The following NCOR2 variants were observed in gnomAD, a reference collection of about 807,000 sequenced individuals.
The protein encoded by NCOR2 is nuclear receptor corepressor 2, also known as CTG repeat protein 26.
NCOR2 carries 81 observed loss-of-function variants against 262.9 expected under a neutral mutation model. That is an observed-to-expected ratio of 0.31 (90% CI 0.26 to 0.37). NCOR2 has a LOEUF of 0.37. Among genes scored for constraint, NCOR2 ranks in the 10% least tolerant of loss-of-function variants. The pLI, the probability that NCOR2 is intolerant of heterozygous loss-of-function variation, is 1.00. For missense variants in NCOR2, 3,385 were observed against 3,621.4 expected (o/e 0.93, Z 1.68); for synonymous variants, 1,659 against 1,559.3 (o/e 1.06, Z -1.51).
intron 7 of NCOR2, among the ~76,000 whole-genome samples, chr12:124,449,025 C>T (rs1293614578): frequency 1.3e-5 from 2 of 152,186 alleles, no homozygotes; most frequent in African/African-American, 4.8e-5. Flanking sequence ...AGATCTGCAG[C>T]CCCTTTTACC....
chr12:124,343,224 T>C (rs751048329), exon 33 of NCOR2: 2 of 1,607,988 alleles, frequency 1.2e-6, no homozygotes, highest in Non-Finnish European at 1.7e-6. Context: ...GACGAAAGGC[T>C]GCCTGTGGAC....
chr12:124,331,938 G>C, intron 43 of NCOR2: 1 of 232,158 alleles, frequency 4.3e-6, no homozygotes, highest in Non-Finnish European at 8.7e-6. Flanking sequence ...CTGGGAAGCA[G>C]AGTGGGGCGT....
chr12:124,567,089 C>G (rs1274589443), intron 1 of NCOR2, among the ~76,000 whole-genome samples: 1 of 151,878 alleles, frequency 6.6e-6, no homozygotes, highest in Non-Finnish European at 1.5e-5. Context: ...CGCTAGGGAG[C>G]TGGAGTTCCC....
exon 10 of NCOR2, chr12:124,429,651 C>T (rs1271776617): frequency 1.9e-6 from 3 of 1,609,634 alleles, no homozygotes; most frequent in Non-Finnish European, 2.5e-6. Flanking sequence ...TCTGACACCT[C>T]GTGCTCGCTG....
chr12:124,547,612 A>G (rs1417875623), intron 1 of NCOR2, among the ~76,000 whole-genome samples: 1 of 152,218 alleles, frequency 6.6e-6, no homozygotes, highest in Admixed American at 6.5e-5. Flanking sequence ...TCTAATTCCA[A>G]AACATTTTCA....
chr12:124,426,576 T>G, intron 11 of NCOR2, 46 bp downstream of exon 13: 1 of 1,515,604 alleles, frequency 6.6e-7, no homozygotes, highest in East Asian at 2.4e-5. Flanking sequence ...CTCAACAGGA[T>G]GGGGGTGGGG....
At chr12:124,363,603 T>G in intron 21 of NCOR2, 76 bp downstream of exon 23, 1 of 1,254,420 alleles carries the variant, frequency 8.0e-7, no homozygotes, top group Non-Finnish European at 1.0e-6. Context: ...CTCCCGCCCG[T>G]GGGATTCTCT....
At chr12:124,428,044 A>AGTGTGTGTGTGTGTGTGTGTGTGT (rs55965573) in intron 10 of NCOR2, among the ~76,000 whole-genome samples, 3,824 of 112,340 alleles carry the variant, frequency 0.034, 340 homozygotes, top group Non-Finnish European at 0.047. Context: ...CCATGTGGCC[A>AGTGTGTGTGTGTGTGTGTGTGTGT]GTGTGTGTGT....
Position 124,566,164 on chromosome 12 carries a change from A to C in NCOR2, c.-165+1144T>G, listed in dbSNP as rs1359085457. ...TCACACATCCTTCCTCCAAATCTGCAAAAAGGGAAAAATAATAATAATCAC... is the reference window on the plus strand; with the variant it reads ...TCACACATCCTTCCTCCAAATCTGCCAAAAGGGAAAAATAATAATAATCAC... On this transcript the variant is annotated intron_variant, in intron 1 of 32. Transcript: ENST00000458234. This position sits in a 1 kb window ranked among gnomAD's most constrained non-coding sequence, Gnocchi z 4.3. Among the ~76,000 whole-genome samples the C allele has an allele frequency of 6.6e-6, 1 of 151,684 alleles. No homozygotes were observed. Among genetic ancestry groups the C allele is most frequent in the African/African-American group, 2.4e-5 (1 of 41,302 alleles).
chr12:124,383,782 T>C (rs1184146508), intron 17 of NCOR2, among the ~76,000 whole-genome samples: 1 of 152,264 alleles, frequency 6.6e-6, no homozygotes, highest in Non-Finnish European at 1.5e-5. Flanking sequence ...CTGAATTCAC[T>C]GCCCAAGGTC....
chr12:124,344,413 T>C (rs970011164), intron 32 of NCOR2, among the ~76,000 whole-genome samples, 184 bp downstream of exon 34: 2 of 151,220 alleles, frequency 1.3e-5, no homozygotes, highest in African/African-American at 4.9e-5. Flanking sequence ...GTCTGGGAGG[T>C]GGCAAGGAGT....
At chr12:124,545,699 G>C (rs1004258438) in intron 1 of NCOR2, among the ~76,000 whole-genome samples, 3 of 152,260 alleles carry the variant, frequency 2.0e-5, no homozygotes, top group African/African-American at 7.2e-5. Context: ...AGCAGAAACT[G>C]AAACAGCCCA....
intron 23 of NCOR2, among the ~76,000 whole-genome samples, chr12:124,356,042 G>A (rs1021841949): frequency 2.0e-5 from 3 of 152,236 alleles, no homozygotes; most frequent in African/African-American, 7.2e-5. Context: ...ACTGGGCACC[G>A]AGCTTCGGCA....
intron 6 of NCOR2, among the ~76,000 whole-genome samples, chr12:124,450,246 G>T (rs1409808172): frequency 6.6e-6 from 1 of 152,220 alleles, no homozygotes; most frequent in Non-Finnish European, 1.5e-5. Context: ...GCTCACCATG[G>T]AAACGCGCGT....
At chr12:124,500,620 A>G (rs369229955) in intron 1 of NCOR2, among the ~76,000 whole-genome samples, 2 of 152,078 alleles carry the variant, frequency 1.3e-5, no homozygotes, top group Non-Finnish European at 2.9e-5. Context: ...GATGCCAGAA[A>G]CCACCACACC....
At chr12:124,374,529 G>A (rs2039833477) in intron 18 of NCOR2, 66 bp from the exon 21 acceptor site, 2 of 1,504,124 alleles carry the variant, frequency 1.3e-6, no homozygotes, top group Non-Finnish European at 1.8e-6. Flanking sequence ...GAGGGAGGAG[G>A]CAACGTGGCC....
At chr12:124,450,609 A>G (rs2045459047) in intron 6 of NCOR2, among the ~76,000 whole-genome samples, 2 of 152,182 alleles carry the variant, frequency 1.3e-5, no homozygotes, top group South Asian at 2.1e-4. Context: ...CAAATCCCAC[A>G]CAGCAGTGAG....
intron 17 of NCOR2, among the ~76,000 whole-genome samples, chr12:124,381,541 G>A (rs1481123277): frequency 6.6e-6 from 1 of 152,244 alleles, no homozygotes; most frequent in Non-Finnish European, 1.5e-5. Flanking sequence ...GTCTAGCACA[G>A]AACAGACGCT....
At chr12:124,331,063 CTTTTT>C (rs747884076) in intron 43 of NCOR2, among the ~76,000 whole-genome samples, 165 bp from the exon 46 acceptor site, 3 of 135,714 alleles carry the variant, frequency 2.2e-5, no homozygotes, top group African/African-American at 5.4e-5. Context: ...GTCTGCATTT[CTTTTT>C]TTTTTTTTTT....
Sources: allele counts gnomAD v4.1 joint callset (sites outside exome capture counted in the v4.1 genomes callset), GRCh38; gene constraint gnomAD v4.1.1; non-coding constraint Gnocchi (gnomAD v3.1); transcripts MANE v1.5; gene names NCBI Gene and HGNC (gene_info 2026-07-23, HGNC 2026-07-21).